Variants in LINGO2 observed in about 807,000 individuals in gnomAD.
LINGO2 encodes the protein leucine-rich repeat and immunoglobulin-like domain-containing nogo receptor-interacting protein 2.
A neutral mutation model predicts 30.6 loss-of-function variants in LINGO2; 14 were observed. The ratio of observed to expected loss-of-function variants is 0.46; its 90% CI spans 0.30 to 0.72. LINGO2 has a LOEUF of 0.72. LINGO2 is among the 30% of genes least tolerant of loss of function. The pLI is 0.07. For missense variants in LINGO2, 729 were observed against 751.7 expected, an observed-to-expected ratio of 0.97 and a Z score of 0.35; for synonymous variants, 317 against 288.5, an observed-to-expected ratio of 1.10 and a Z score of -1.00.
chr9:28,815,977 T>C, the LINGO2 span, among the ~76,000 whole-genome samples: 1 of 152,118 alleles, frequency 6.6e-6, no homozygotes, highest in Admixed American at 6.6e-5. Flanking sequence ...GGTTAGAAAG[T>C]CTAAGATCAA....
At chr9:28,526,778 C>G (rs990073286) in intron 1 of LINGO2, among the ~76,000 whole-genome samples, 1 of 152,168 alleles carries the variant, frequency 6.6e-6, no homozygotes, top group Non-Finnish European at 1.5e-5. Context: ...GCCTGCCCAG[C>G]CTTTCCAACT....
chr9:28,866,357 T>C, the LINGO2 span, among the ~76,000 whole-genome samples: 35 of 152,130 alleles, frequency 2.3e-4, no homozygotes, highest in Non-Finnish European at 7.4e-5. Context: ...GGTCAACATC[T>C]CTGTTAATAA....
At chr9:28,885,350 T>TACACACACACAC in the LINGO2 span, among the ~76,000 whole-genome samples, 2 of 39,620 alleles carry the variant, frequency 5.0e-5, no homozygotes, top group African/African-American at 1.1e-4. Flanking sequence ...AGCAGGGAGA[T>TACACACACACAC]ATATATATAT....
At chr9:28,685,435 G>T in the LINGO2 span, among the ~76,000 whole-genome samples, 2 of 152,116 alleles carry the variant, frequency 1.3e-5, no homozygotes, top group Admixed American at 1.3e-4. Context: ...TTTGCAAGGT[G>T]ATCTTTAGTT....
upstream of LINGO2, among the ~76,000 whole-genome samples, chr9:28,673,820 C>G (rs944277465): frequency 6.6e-6 from 1 of 151,836 alleles, no homozygotes; most frequent in African/African-American, 2.4e-5. Flanking sequence ...GAAGCAATAC[C>G]CTCAATACTT....
At chr9:27,978,379 A>G (rs1161581842) in intron 5 of LINGO2, among the ~76,000 whole-genome samples, 3 of 152,120 alleles carry the variant, frequency 2.0e-5, no homozygotes, top group Non-Finnish European at 4.4e-5. Flanking sequence ...CAAAATTTAT[A>G]TGTTAAATCC....
At chr9:28,393,237 C>A (rs1821906799) in intron 2 of LINGO2, among the ~76,000 whole-genome samples, 1 of 152,222 alleles carries the variant, frequency 6.6e-6, no homozygotes. Flanking sequence ...AGTGAAAAAA[C>A]ACAAACACTG....
intron 4 of LINGO2, among the ~76,000 whole-genome samples, chr9:28,200,691 G>A (rs1820197518): frequency 6.6e-6 from 1 of 152,134 alleles, no homozygotes; most frequent in African/African-American, 2.4e-5. Flanking sequence ...TAATAGGGCT[G>A]TTTAATAAAT....
At chr9:27,952,444 T>C (rs940216654) in intron 5 of LINGO2, among the ~76,000 whole-genome samples, 5 of 151,908 alleles carry the variant, frequency 3.3e-5, no homozygotes, top group African/African-American at 1.2e-4. Context: ...GCTTGAAAAA[T>C]TAATTCTAAA....
chr9:28,764,040 C>A, the LINGO2 span, among the ~76,000 whole-genome samples: 3 of 151,130 alleles, frequency 2.0e-5, no homozygotes, highest in East Asian at 1.9e-4. Context: ...AACCTCCCAA[C>A]AACAACAAAA....
chr9:28,056,516 T>C (rs62556472), intron 4 of LINGO2, among the ~76,000 whole-genome samples: 19,000 of 152,124 alleles, frequency 0.12, 1,335 homozygotes, highest in Middle Eastern at 0.21. Context: ...ACCACCCACC[T>C]TCACATCCCA....
intron 4 of LINGO2, among the ~76,000 whole-genome samples, chr9:28,165,655 T>G (rs1011088715): frequency 6.6e-6 from 1 of 152,202 alleles, no homozygotes; most frequent in Admixed American, 6.5e-5. Flanking sequence ...TTGTTTTCCC[T>G]TTTTTCCTGA....
chr9:28,610,821 TTAGTCAAGTA>T (rs1208094443), intron 1 of LINGO2, among the ~76,000 whole-genome samples: 1 of 152,126 alleles, frequency 6.6e-6, no homozygotes, highest in African/African-American at 2.4e-5. Flanking sequence ...CTAAAATGGG[TTAGTCAAGTA>T]ATCACTTTCT....
At chr9:28,888,932 T>A in the LINGO2 span, 1 of 533,246 alleles carries the variant, frequency 1.9e-6, no homozygotes, top group East Asian at 5.5e-5. Context: ...AATAGGAGAC[T>A]CACAAGTTCC....
At chr9:28,223,445 C>G (rs1821037646) in intron 4 of LINGO2, among the ~76,000 whole-genome samples, 1 of 152,236 alleles carries the variant, frequency 6.6e-6, no homozygotes, top group Non-Finnish European at 1.5e-5. Flanking sequence ...ATAACCTAAT[C>G]ACTTCTTAAA....
the LINGO2 span, among the ~76,000 whole-genome samples, chr9:29,097,700 G>A: frequency 7.2e-6 from 1 of 138,300 alleles, no homozygotes; most frequent in Admixed American, 7.4e-5. Flanking sequence ...GCTTAAAAGA[G>A]TTGGTAAGAA....
the LINGO2 span, among the ~76,000 whole-genome samples, chr9:28,821,905 G>C: frequency 3.3e-5 from 5 of 152,160 alleles, no homozygotes; most frequent in Non-Finnish European, 7.3e-5. Context: ...GACTGTTGGA[G>C]AGTGGGAGAC....
the LINGO2 span, among the ~76,000 whole-genome samples, chr9:28,854,502 ACTGATTGATAAATGGAAT>A: frequency 1.3e-5 from 2 of 151,952 alleles, no homozygotes; most frequent in African/African-American, 2.4e-5. Context: ...ACAGAAAATC[ACTGATTGATAAATGGAAT>A]CTCCACAGAG....
intron 1 of LINGO2, among the ~76,000 whole-genome samples, chr9:28,517,385 C>G (rs982787723): frequency 1.3e-5 from 2 of 152,162 alleles, no homozygotes; most frequent in African/African-American, 4.8e-5. Context: ...TGCTAGAGCA[C>G]TAACCTCTGA....
Sources: allele counts gnomAD v4.1 joint callset (sites outside exome capture counted in the v4.1 genomes callset), GRCh38; gene constraint gnomAD v4.1.1; transcripts MANE v1.5; gene names NCBI Gene and HGNC (gene_info 2026-07-23, HGNC 2026-07-21).